Variants in IL1RAP observed in about 807,000 individuals in gnomAD.
IL1RAP encodes interleukin 1 receptor accessory protein.
IL1RAP carries 35 observed loss-of-function variants against 60.7 expected under a neutral mutation model. The observed-to-expected ratio is 0.58, with a 90% CI of 0.44 to 0.76. The LOEUF (loss-of-function observed/expected upper bound fraction) is 0.76, where lower values mean the gene tolerates loss of function less well. Among genes scored for constraint, IL1RAP ranks in the 30% least tolerant of loss-of-function variants. The pLI, the probability that IL1RAP is intolerant of heterozygous loss-of-function variation, is 0.00. For missense variants in IL1RAP, 572 were observed against 693.9 expected (o/e 0.82, Z 1.97); for synonymous variants, 268 against 250.9 (o/e 1.07, Z -0.64).
chr3:190,531,221 A>T (rs1323940835), intron 1 of IL1RAP, among the ~76,000 whole-genome samples: 2 of 152,132 alleles, frequency 1.3e-5, no homozygotes, highest in Non-Finnish European at 2.9e-5. Context: ...ACCGTACTCT[A>T]GCCTGAGCAA....
intron 7 of IL1RAP, among the ~76,000 whole-genome samples, chr3:190,626,620 G>T (rs1466743853): frequency 6.7e-6 from 1 of 149,922 alleles, no homozygotes; most frequent in Admixed American, 6.6e-5. Flanking sequence ...AAGGAGAAGA[G>T]CAGTCTCTGG....
At chr3:190,637,392 A>G (rs947954744) in intron 9 of IL1RAP, among the ~76,000 whole-genome samples, 4 of 152,118 alleles carry the variant, frequency 2.6e-5, no homozygotes, top group African/African-American at 9.7e-5. Flanking sequence ...AATATATGGA[A>G]GATTTTAAGG....
At chr3:190,567,885 C>T (rs926570305) in intron 3 of IL1RAP, among the ~76,000 whole-genome samples, 5 of 152,098 alleles carry the variant, frequency 3.3e-5, no homozygotes, top group African/African-American at 1.2e-4. Context: ...GTTTGTAAGA[C>T]TTCGAAATGG....
chr3:190,528,062 G>T (rs1722667179), intron 1 of IL1RAP, among the ~76,000 whole-genome samples: 1 of 152,122 alleles, frequency 6.6e-6, no homozygotes, highest in African/African-American at 2.4e-5. Flanking sequence ...TTCAGAAGGA[G>T]ATTATTCTAA....
At chr3:190,624,197 A>T (rs1732028639) in intron 7 of IL1RAP, among the ~76,000 whole-genome samples, 1 of 152,278 alleles carries the variant, frequency 6.6e-6, no homozygotes, top group African/African-American at 2.4e-5. Flanking sequence ...AACCATAGCC[A>T]TACCCAGAAA....
At chr3:190,537,265 A>G (rs1449189737) in intron 1 of IL1RAP, among the ~76,000 whole-genome samples, 1 of 152,096 alleles carries the variant, frequency 6.6e-6, no homozygotes, top group Admixed American at 6.6e-5. Context: ...GAACTTGCCC[A>G]TTAGAGTTTG....
chr3:190,553,496 C>T (rs1577573888), intron 1 of IL1RAP, among the ~76,000 whole-genome samples: 1 of 152,060 alleles, frequency 6.6e-6, no homozygotes, highest in Admixed American at 6.5e-5. Context: ...GTTCCTCCAC[C>T]GGGGAGAGAA....
At chr3:190,644,145 G>A in intron 9 of IL1RAP, 103 bp from the exon 10 acceptor site, 1 of 1,482,632 alleles carries the variant, frequency 6.7e-7, no homozygotes, top group Non-Finnish European at 9.0e-7. Flanking sequence ...ACATAGGCAG[G>A]TGCATAGCTA....
chr3:190,570,908 C>T (rs1320169482), intron 3 of IL1RAP, among the ~76,000 whole-genome samples: 1 of 152,064 alleles, frequency 6.6e-6, no homozygotes, highest in African/African-American at 2.4e-5. Flanking sequence ...TTGATATGTG[C>T]ACCAAGATAC....
At chr3:190,655,004 C>T (rs938740017), downstream of IL1RAP, among the ~76,000 whole-genome samples, 4 of 152,066 alleles carry the variant, frequency 2.6e-5, no homozygotes, top group African/African-American at 9.7e-5. Context: ...GTTTTTGCCC[C>T]TTTAATTCCA....
rs1200049290 is a variant in IL1RAP at position 190,572,898 on chromosome 3, C to G, written c.64+8545C>G. On this transcript the variant is annotated intron_variant, in intron 3 of 11. Coordinates refer to ENST00000447382, the MANE Select transcript of IL1RAP (RefSeq NM_002182.4). ...TTTTTTTTTGAGACGGAGTCTCGCT[C>G]TGTCGCCCAGGCTGGAGTGCAGTGG... Among the ~76,000 whole-genome samples the G allele has an allele frequency of 5.5e-5, 4 of 73,178 alleles. 1 individual carries two copies. Among genetic ancestry groups the G allele is most frequent in the Non-Finnish European group, 1.0e-4 (4 of 39,032 alleles). 48.0% of individuals were successfully genotyped at this position (73,178 alleles called of 152,430 possible).
chr3:190,597,471 A>G (rs1048237652), intron 3 of IL1RAP, among the ~76,000 whole-genome samples: 5 of 152,190 alleles, frequency 3.3e-5, no homozygotes, highest in Non-Finnish European at 7.3e-5. Flanking sequence ...CAGTGGCAGG[A>G]ATCCAGATTC....
chr3:190,655,752 G>A, downstream of IL1RAP: 1 of 669,448 alleles, frequency 1.5e-6, no homozygotes, highest in Non-Finnish European at 2.5e-6. Flanking sequence ...TTTTTTGACT[G>A]GGTAAATTAT....
chr3:190,585,979 C>G (rs1375945911), intron 3 of IL1RAP, among the ~76,000 whole-genome samples: 1 of 152,082 alleles, frequency 6.6e-6, no homozygotes, highest in East Asian at 1.9e-4. Flanking sequence ...TGTGATCTAA[C>G]CCCGGCTGAC....
intron 1 of IL1RAP, among the ~76,000 whole-genome samples, chr3:190,522,781 C>T (rs1722200619): frequency 6.6e-6 from 1 of 152,116 alleles, no homozygotes; most frequent in Non-Finnish European, 1.5e-5. Context: ...TGATAAATTG[C>T]AGTGCATGGA....
chr3:190,575,643 C>T (rs1053832202), intron 3 of IL1RAP, among the ~76,000 whole-genome samples: 4 of 152,146 alleles, frequency 2.6e-5, no homozygotes, highest in Admixed American at 2.0e-4. Flanking sequence ...AAGAGGAAGC[C>T]GTGGTCAGAG....
chr3:190,582,933 C>G (rs1010643833), intron 3 of IL1RAP, among the ~76,000 whole-genome samples: 2 of 152,100 alleles, frequency 1.3e-5, no homozygotes, highest in Non-Finnish European at 2.9e-5. Flanking sequence ...TGTACTATTC[C>G]CTTTCTCACC....
chr3:190,525,368 G>T (rs16865554), intron 1 of IL1RAP, among the ~76,000 whole-genome samples: 3,497 of 152,266 alleles, frequency 0.023, 137 homozygotes, highest in African/African-American at 0.08. Context: ...CGTCACTGAG[G>T]TGGTGGGCCA....
intron 3 of IL1RAP, among the ~76,000 whole-genome samples, chr3:190,593,411 T>G (rs1013409562): frequency 6.6e-6 from 1 of 152,236 alleles, no homozygotes; most frequent in Non-Finnish European, 1.5e-5. Context: ...TAGACTTTGT[T>G]TGGGTAGCTC....
Sources: gnomAD v4.1 joint callset for allele counts (sites outside exome capture counted in the v4.1 genomes callset) on GRCh38, gnomAD v4.1.1 for gene constraint, MANE v1.5 for transcripts, NCBI Gene and HGNC (gene_info 2026-07-23, HGNC 2026-07-21) for gene names.